NELL2: variants seen among roughly 807,000 people sequenced by gnomAD.
The protein encoded by NELL2 is neural EGFL like 2.
Under a neutral mutation model 109.6 loss-of-function variants are expected in NELL2, and 41 were observed. The observed-to-expected ratio is 0.37, with a 90% CI of 0.29 to 0.49. The LOEUF (loss-of-function observed/expected upper bound fraction) is 0.49, where lower values mean the gene tolerates loss of function less well. NELL2 is among the 20% of genes least tolerant of loss of function. The pLI is 0.98. For synonymous variants in NELL2, 355 were observed against 344.7 expected, an observed-to-expected ratio of 1.03 and a Z score of -0.33; for missense variants, 900 against 1,008.3, an observed-to-expected ratio of 0.89 and a Z score of 1.45.
intron 12 of NELL2, among the ~76,000 whole-genome samples, chr12:44,690,467 T>C (rs1445694008): frequency 6.6e-6 from 1 of 152,140 alleles, no homozygotes; most frequent in Non-Finnish European, 1.5e-5. Flanking sequence ...TTCTGCATTT[T>C]TAACAAGCTC....
chr12:44,842,137 A>AAGGAAGG (rs1435798877), intron 2 of NELL2, among the ~76,000 whole-genome samples: 18 of 147,582 alleles, frequency 1.2e-4, no homozygotes, highest in Non-Finnish European at 2.4e-4. Context: ...GGAAGGAAGG[A>AAGGAAGG]AAGGGAAAGA....
intron 2 of NELL2, among the ~76,000 whole-genome samples, chr12:44,857,479 G>A (rs942480656): frequency 2.6e-5 from 4 of 151,958 alleles, no homozygotes; most frequent in African/African-American, 9.7e-5. Flanking sequence ...ACATTCCACC[G>A]GCCCCTGAAA....
rs1275518929 is a variant in NELL2, at chr12:44,791,107, A to ATATACGTATATATATATG, written c.336-11086_336-11085insCATATATATATACGTATA. On this transcript the variant is annotated intron_variant, in intron 3 of 19. Transcript: ENST00000429094. ...CATATATATATATATGTATATATAT[A>ATATACGTATATATATATG]TGTATATATATATGTATATATATAT... Among the ~76,000 whole-genome samples, 7 of 22,678 alleles carry ATATACGTATATATATATG rather than the reference A, an allele frequency of 3.1e-4. 1 individual carries two copies. Among genetic ancestry groups the ATATACGTATATATATATG allele is most frequent in the African/African-American group, 1.4e-3 (7 of 5,030 alleles). The allele number at this position is 22,678 out of a possible 152,430, so 14.9% of individuals were successfully genotyped here. A position where few individuals can be genotyped will look rare whatever the true frequency, so the allele number is the denominator to read the frequency against.
chr12:44,875,483 C>T, intron 1 of NELL2, 130 bp from the exon 2 acceptor site: 2 of 1,613,950 alleles, frequency 1.2e-6, no homozygotes, highest in African/African-American at 1.3e-5. Flanking sequence ...AGGCGACTGC[C>T]TCCTCCTCCG....
intron 15 of NELL2, among the ~76,000 whole-genome samples, chr12:44,586,852 ATGCCC>A (rs1212690261): frequency 6.6e-6 from 1 of 152,340 alleles, no homozygotes; most frequent in East Asian, 1.9e-4. Context: ...CACGTTTCCA[ATGCCC>A]TGCACAAAGT....
intron 9 of NELL2, among the ~76,000 whole-genome samples, chr12:44,719,147 T>C (rs904390102): frequency 3.9e-5 from 6 of 152,142 alleles, no homozygotes; most frequent in Admixed American, 3.9e-4. Context: ...TAAAAACGAT[T>C]AACAGCAAAT....
chr12:44,579,531 G>T (rs1944247056), intron 15 of NELL2, among the ~76,000 whole-genome samples: 1 of 152,128 alleles, frequency 6.6e-6, no homozygotes, highest in Non-Finnish European at 1.5e-5. Flanking sequence ...ATTCTGACAG[G>T]TCCTATAAGA....
intron 9 of NELL2, among the ~76,000 whole-genome samples, chr12:44,764,453 T>TTA (rs201295805): frequency 6.6e-6 from 1 of 152,208 alleles, no homozygotes; most frequent in African/African-American, 2.4e-5. Context: ...CTCTTACTAA[T>TTA]CATAGAGAAA....
At chr12:44,756,751 A>C (rs975909456) in intron 9 of NELL2, among the ~76,000 whole-genome samples, 2 of 152,044 alleles carry the variant, frequency 1.3e-5, no homozygotes, top group African/African-American at 4.8e-5. Flanking sequence ...ACTCTTTCTC[A>C]TGTTATTTTA....
intron 15 of NELL2, among the ~76,000 whole-genome samples, chr12:44,576,040 A>G (rs1021126511): frequency 6.6e-5 from 10 of 152,254 alleles, no homozygotes; most frequent in African/African-American, 2.2e-4. Context: ...TCCGTTCCTC[A>G]AATGTGCCAT....
At chr12:44,587,074 C>T (rs1314916122) in intron 15 of NELL2, among the ~76,000 whole-genome samples, 1 of 151,470 alleles carries the variant, frequency 6.6e-6, no homozygotes, top group Non-Finnish European at 1.5e-5. Flanking sequence ...AGATTGAGAC[C>T]ATCCTGGCTA....
At chr12:44,564,189 C>T (rs560191859) in intron 15 of NELL2, among the ~76,000 whole-genome samples, 6 of 152,156 alleles carry the variant, frequency 3.9e-5, no homozygotes, top group East Asian at 3.9e-4. Flanking sequence ...GTGAGTTAAA[C>T]GACAAATTCA....
intron 15 of NELL2, among the ~76,000 whole-genome samples, chr12:44,594,432 T>C (rs547140500): frequency 2.0e-5 from 3 of 152,240 alleles, no homozygotes; most frequent in Non-Finnish European, 4.4e-5. Flanking sequence ...GAAAATATCA[T>C]GTCAAGAAAA....
Position 44,577,159 on chromosome 12 carries a change from C to G in NELL2, c.1663+30010G>C, listed in dbSNP as rs1324523227. ...ATGGTTGAACTAGTTTACAGTCCCA[C>G]CAACAGTGTAAAAGTGTTCCTATTT... On this transcript the variant is annotated intron_variant, in intron 15 of 19. Transcript: ENST00000429094. 3.8e-5 allele frequency among the ~76,000 whole-genome samples: 4 copies of G among 106,636 alleles called. No homozygotes were observed. The Admixed American group carries it at 4.5e-4, about 12-fold the overall frequency. 70.0% of individuals were successfully genotyped at this position (106,636 alleles called of 152,430 possible). A position where few individuals can be genotyped will look rare whatever the true frequency, so the allele number is the denominator to read the frequency against.
intron 3 of NELL2, among the ~76,000 whole-genome samples, chr12:44,784,478 T>G (rs966868326): frequency 6.6e-6 from 1 of 152,186 alleles, no homozygotes; most frequent in East Asian, 1.9e-4. Flanking sequence ...CCATTCCTTC[T>G]GAAACTGTTC....
intron 16 of NELL2, among the ~76,000 whole-genome samples, chr12:44,526,545 TG>T (rs1941781162): frequency 6.6e-6 from 1 of 152,140 alleles, no homozygotes. Context: ...TACACTGAGT[TG>T]GGGACTCAGT....
At chr12:44,708,805 C>G (rs1489217372) in intron 11 of NELL2, among the ~76,000 whole-genome samples, 1 of 152,092 alleles carries the variant, frequency 6.6e-6, no homozygotes, top group East Asian at 1.9e-4. Flanking sequence ...CAAGGCCCCA[C>G]TCCTATCAGT....
intron 13 of NELL2, among the ~76,000 whole-genome samples, chr12:44,641,052 C>T (rs979555890): frequency 6.6e-6 from 1 of 152,100 alleles, no homozygotes; most frequent in East Asian, 1.9e-4. Context: ...ATATGGCTAG[C>T]TCCATGCAAA....
intron 2 of NELL2, among the ~76,000 whole-genome samples, chr12:44,840,808 G>A (rs1944204363): frequency 6.6e-6 from 1 of 152,182 alleles, no homozygotes; most frequent in African/African-American, 2.4e-5. Flanking sequence ...TACAGGACAT[G>A]TTGCAATTCA....
Sources: gnomAD v4.1 joint callset for allele counts (sites outside exome capture counted in the v4.1 genomes callset) on GRCh38, gnomAD v4.1.1 for gene constraint, MANE v1.5 for transcripts, NCBI Gene and HGNC (gene_info 2026-07-23, HGNC 2026-07-21) for gene names.